The following HDAC4 variants were observed in gnomAD, a reference collection of about 807,000 sequenced individuals.
HDAC4 encodes histone deacetylase 4.
A neutral mutation model predicts 135.1 loss-of-function variants in HDAC4; 16 were observed. That is an observed-to-expected ratio of 0.12 (90% confidence interval 0.08 to 0.18). HDAC4 has a LOEUF of 0.18. Ranked by LOEUF, HDAC4 falls within the 10% of genes least tolerant of loss-of-function variation. The pLI is 1.00. For missense variants in HDAC4, 1,143 were observed against 1,511.8 expected (o/e 0.76, Z 4.05); for synonymous variants, 685 against 653.4 (o/e 1.05, Z -0.74).
chr2:239,300,656 C>A (rs970637497), intron 2 of HDAC4, among the ~76,000 whole-genome samples: 12 of 152,182 alleles, frequency 7.9e-5, no homozygotes, highest in African/African-American at 2.7e-4. Flanking sequence ...AGCTTCCCTG[C>A]AGAACAGGAA....
At chr2:239,286,796 C>A (rs1421134221) in intron 2 of HDAC4, among the ~76,000 whole-genome samples, 1 of 152,144 alleles carries the variant, frequency 6.6e-6, no homozygotes, top group Non-Finnish European at 1.5e-5. Flanking sequence ...GAGAAGAATA[C>A]ACCAAACGTG....
At chr2:239,345,582 C>A (rs1028275016) in intron 2 of HDAC4, among the ~76,000 whole-genome samples, 7 of 151,068 alleles carry the variant, frequency 4.6e-5, no homozygotes, top group African/African-American at 1.2e-4. Flanking sequence ...CACACACACA[C>A]GGACACCCTA....
intron 1 of HDAC4, among the ~76,000 whole-genome samples, chr2:239,373,076 G>A (rs1418127637): frequency 2.6e-5 from 4 of 152,172 alleles, no homozygotes; most frequent in East Asian, 1.9e-4. Context: ...AGAGCCTCAC[G>A]TCCTGGGGTC....
intron 24 of HDAC4, among the ~76,000 whole-genome samples, chr2:239,059,970 C>T (rs1470342173): frequency 6.6e-6 from 1 of 152,226 alleles, no homozygotes; most frequent in Non-Finnish European, 1.5e-5. Context: ...GTCCGTCACA[C>T]TCGTAGTTCT....
At chr2:239,322,973 G>A (rs1403823866) in intron 2 of HDAC4, among the ~76,000 whole-genome samples, 1 of 152,168 alleles carries the variant, frequency 6.6e-6, no homozygotes. Flanking sequence ...GGGTGCACGT[G>A]CCACAAACGG....
intron 4 of HDAC4, among the ~76,000 whole-genome samples, chr2:239,179,188 TG>T (rs1323481683): frequency 6.6e-6 from 1 of 152,020 alleles, no homozygotes; most frequent in Non-Finnish European, 1.5e-5. Context: ...GCTCCATGAG[TG>T]GCTGCGCTGG....
At chr2:239,281,730 CCA>C (rs1298619904) in intron 2 of HDAC4, among the ~76,000 whole-genome samples, 1 of 151,234 alleles carries the variant, frequency 6.6e-6, no homozygotes, top group Non-Finnish European at 1.5e-5. Context: ...AATGAACACA[CCA>C]CTCTACACAC....
intron 23 of HDAC4, chr2:239,067,103 G>GA (rs1326565028): frequency 1.8e-6 from 1 of 564,384 alleles, no homozygotes; most frequent in Non-Finnish European, 3.2e-6. Context: ...TGCTTTAGGG[G>GA]ACGAGGGCAG....
chr2:239,165,482 CTGTGTG>C (rs111788661), intron 5 of HDAC4, among the ~76,000 whole-genome samples: 1 of 151,330 alleles, frequency 6.6e-6, no homozygotes, highest in Non-Finnish European at 1.5e-5. Context: ...TGTTGTGGGT[CTGTGTG>C]TGTGTGTGTG....
chr2:239,355,694 A>T (rs1186059602), intron 1 of HDAC4, among the ~76,000 whole-genome samples: 1 of 152,142 alleles, frequency 6.6e-6, no homozygotes, highest in Non-Finnish European at 1.5e-5. Flanking sequence ...GACAGGTCCA[A>T]AGGTGAGGTT....
intron 2 of HDAC4, among the ~76,000 whole-genome samples, chr2:239,324,771 G>A (rs574671618): frequency 3.7e-4 from 56 of 152,348 alleles, no homozygotes; most frequent in African/African-American, 1.3e-3. Context: ...ATAACAGAAG[G>A]GGGCGTGGGC....
chr2:239,319,449 G>T (rs1217346736), intron 2 of HDAC4, among the ~76,000 whole-genome samples: 1 of 152,248 alleles, frequency 6.6e-6, no homozygotes, highest in African/African-American at 2.4e-5. Context: ...GCCAGGCGAG[G>T]GCCACCTCCC....
chr2:239,284,680 G>A (rs2051032204), intron 2 of HDAC4, among the ~76,000 whole-genome samples: 1 of 152,156 alleles, frequency 6.6e-6, no homozygotes, highest in Non-Finnish European at 1.5e-5. Flanking sequence ...GGGAGGTGGG[G>A]CCTCCAGGAT....
At chr2:239,365,219 A>G (rs1694112588) in intron 1 of HDAC4, among the ~76,000 whole-genome samples, 1 of 152,158 alleles carries the variant, frequency 6.6e-6, no homozygotes. Flanking sequence ...GTTTTATAAG[A>G]GTGTCATTTT....
chr2:239,326,064 G>T (rs754919415), intron 2 of HDAC4, among the ~76,000 whole-genome samples: 15 of 152,134 alleles, frequency 9.9e-5, no homozygotes, highest in Non-Finnish European at 1.9e-4. Context: ...AGAGACGTGT[G>T]TACACATATG....
In HDAC4 at chr2:239,309,789, G is replaced by A. The variant is rs1575671612; in HGVS notation, c.22+42889C>T. On this transcript the variant is annotated intron_variant, in intron 2 of 26. Coordinates refer to ENST00000543185, the MANE Select transcript of HDAC4 (RefSeq NM_001378414.1). The surrounding 1 kb of genome is among the most constrained non-coding windows in gnomAD (Gnocchi z 4.2). ...CTCATCTGGGGAAGCTGTGAGGACT[G>A]GTGTTGATAAAACATTCCAACCACA... 6.6e-6 allele frequency among the ~76,000 whole-genome samples: 1 copy of A among 152,224 alleles called. No homozygotes were observed. Among genetic ancestry groups the A allele is most frequent in the Admixed American group, 6.5e-5 (1 of 15,288 alleles).
intron 1 of HDAC4, among the ~76,000 whole-genome samples, chr2:239,374,461 T>G (rs1231222259): frequency 7.9e-6 from 1 of 126,876 alleles, no homozygotes; most frequent in African/African-American, 3.0e-5. Context: ...TGGAGTGCAG[T>G]GGCGGGATCT....
At chr2:239,133,047 T>C (rs1021433044) in intron 11 of HDAC4, among the ~76,000 whole-genome samples, 2 of 152,206 alleles carry the variant, frequency 1.3e-5, no homozygotes, top group Non-Finnish European at 2.9e-5. Context: ...TCCTCTGCTC[T>C]GGACAGGCAG....
chr2:239,196,743 A>G (rs980072000), intron 3 of HDAC4, among the ~76,000 whole-genome samples: 1 of 152,168 alleles, frequency 6.6e-6, no homozygotes, highest in African/African-American at 2.4e-5. Context: ...GGCCACCTCC[A>G]GCTCTCAGGT....
Sources: allele counts gnomAD v4.1 joint callset (sites outside exome capture counted in the v4.1 genomes callset), GRCh38; gene constraint gnomAD v4.1.1; non-coding constraint Gnocchi (gnomAD v3.1); transcripts MANE v1.5; gene names NCBI Gene and HGNC (gene_info 2026-07-23, HGNC 2026-07-21).